SDK1: variants seen among roughly 807,000 people sequenced by gnomAD.
SDK1 encodes protein sidekick-1.
SDK1 carries 157 observed loss-of-function variants against 245.5 expected under a neutral mutation model. The ratio of observed to expected loss-of-function variants is 0.64; its 90% CI spans 0.56 to 0.73. SDK1 has a LOEUF of 0.73. Among genes scored for constraint, SDK1 ranks in the 30% least tolerant of loss-of-function variants. SDK1 has a pLI of 0.00. For missense variants in SDK1, 3,583 were observed against 3,002.3 expected (o/e 1.19, Z -4.52); for synonymous variants, 1,647 against 1,278.5 (o/e 1.29, Z -6.15).
At chr7:4,113,527 G>C in intron 24 of SDK1, 88 bp downstream of exon 24, 1 of 1,457,920 alleles carries the variant, frequency 6.9e-7, no homozygotes, top group Non-Finnish European at 9.3e-7. Context: ...GAGTTTCTTA[G>C]TCACGCCTTT....
chr7:3,383,591 C>G (rs1018181538), intron 1 of SDK1, among the ~76,000 whole-genome samples: 8 of 152,170 alleles, frequency 5.3e-5, no homozygotes, highest in African/African-American at 1.9e-4. Flanking sequence ...AGGACCTGAT[C>G]TTAAACTGGA....
intron 35 of SDK1, among the ~76,000 whole-genome samples, chr7:4,202,706 C>A (rs883024): frequency 0.27 from 40,682 of 152,150 alleles, 6,098 homozygotes; most frequent in African/African-American, 0.41. Flanking sequence ...AAACTTTTCC[C>A]TCACTCTCTG....
intron 1 of SDK1, among the ~76,000 whole-genome samples, chr7:3,536,094 T>A (rs1320788440): frequency 1.3e-5 from 2 of 151,906 alleles, no homozygotes; most frequent in African/African-American, 4.8e-5. Context: ...TCTCACTCTG[T>A]CGCCCAGGCT....
chr7:3,392,163 T>A (rs1781775229), intron 1 of SDK1, among the ~76,000 whole-genome samples: 1 of 152,038 alleles, frequency 6.6e-6, no homozygotes, highest in Non-Finnish European at 1.5e-5. Flanking sequence ...TTAAAACCTT[T>A]GCATAACAGA....
At position 3,641,999 on chromosome 7, in the gene SDK1, T is replaced by A; in HGVS notation, c.607T>A (p.Ser203Thr). ...FMDTDQRKTV[S>T]QGRAAILNLL... ...GGATACGGACCAGAGGAAAACAGTT[T>A]CTCAAGGACGTGCAGCGATTCTAAA... The change falls in exon 4 of 45, where the codon TCT (serine) becomes ACT (threonine). Residue 203 changes from serine to threonine, a missense_variant. Ser to Thr is a moderately conservative substitution (Grantham distance 58, BLOSUM62 1). Coordinates refer to ENST00000404826, the MANE Select transcript of SDK1 (RefSeq NM_152744.4). 6.2e-7 allele frequency: 1 copy of A among 1,614,116 alleles called. No individual in the cohort carries two copies. Among genetic ancestry groups the A allele is most frequent in the Non-Finnish European group, 8.5e-7 (1 of 1,179,966 alleles).
At chr7:3,534,230 C>T (rs978300206) in intron 1 of SDK1, among the ~76,000 whole-genome samples, 1 of 151,906 alleles carries the variant, frequency 6.6e-6, no homozygotes, top group Non-Finnish European at 1.5e-5. Flanking sequence ...GGATTTCGCT[C>T]TTTTTTTTAA....
intron 4 of SDK1, among the ~76,000 whole-genome samples, chr7:3,646,864 A>G (rs1267626424): frequency 1.3e-5 from 2 of 152,142 alleles, no homozygotes; most frequent in Non-Finnish European, 2.9e-5. Context: ...AAGGTTAAAT[A>G]CCTTATGATT....
At chr7:3,381,809 A>G (rs1781493503) in intron 1 of SDK1, among the ~76,000 whole-genome samples, 1 of 152,204 alleles carries the variant, frequency 6.6e-6, no homozygotes, top group African/African-American at 2.4e-5. Context: ...ATAAGAATCC[A>G]GTCATGGTTA....
At chr7:4,009,098 A>G (rs567604637) in intron 14 of SDK1, among the ~76,000 whole-genome samples, 1 of 152,340 alleles carries the variant, frequency 6.6e-6, no homozygotes, top group African/African-American at 2.4e-5. Context: ...TTTTCATAAT[A>G]GCCACCCTAG....
chr7:3,880,756 G>A (rs988225955), intron 5 of SDK1, among the ~76,000 whole-genome samples: 1 of 152,042 alleles, frequency 6.6e-6, no homozygotes, highest in Non-Finnish European at 1.5e-5. Context: ...AAACCAGACG[G>A]GCTGAGAGCA....
chr7:4,164,785 C>A (rs1781395739), intron 32 of SDK1, among the ~76,000 whole-genome samples: 2 of 152,198 alleles, frequency 1.3e-5, no homozygotes, highest in Non-Finnish European at 2.9e-5. Flanking sequence ...CCTAGTGCCA[C>A]CTGGAGGAGC....
chr7:4,111,935 A>G (rs1783377299), intron 23 of SDK1, among the ~76,000 whole-genome samples: 2 of 152,246 alleles, frequency 1.3e-5, no homozygotes. Context: ...AGTTAAGGAA[A>G]CGGAGATCAT....
chr7:3,564,869 A>G (rs1044250464), intron 1 of SDK1, among the ~76,000 whole-genome samples: 3 of 152,148 alleles, frequency 2.0e-5, no homozygotes, highest in Admixed American at 6.5e-5. Flanking sequence ...CCTCGATTAC[A>G]GTACCTGTGA....
chr7:4,037,708 A>G (rs565975684), intron 17 of SDK1, among the ~76,000 whole-genome samples: 22 of 152,322 alleles, frequency 1.4e-4, no homozygotes, highest in Middle Eastern at 6.8e-3. Flanking sequence ...GGACCATAGC[A>G]TCTTGGATTT....
intron 22 of SDK1, among the ~76,000 whole-genome samples, chr7:4,103,833 AG>A (rs1782735537): frequency 6.6e-6 from 1 of 152,218 alleles, no homozygotes; most frequent in Admixed American, 6.5e-5. Flanking sequence ...GCGCTCCAGC[AG>A]GGCTTGCCAC....
chr7:4,072,740 A>G (rs1412619023), intron 20 of SDK1, among the ~76,000 whole-genome samples: 2 of 152,228 alleles, frequency 1.3e-5, no homozygotes, highest in Admixed American at 6.5e-5. Context: ...GCAGGAGCCC[A>G]GGATGACTGA....
At chr7:3,971,001 T>C (rs1782449867) in intron 11 of SDK1, among the ~76,000 whole-genome samples, 1 of 152,168 alleles carries the variant, frequency 6.6e-6, no homozygotes, top group African/African-American at 2.4e-5. Context: ...GCGTCCATCT[T>C]CCTTCCTGAA....
At chr7:3,995,709 G>A (rs1371608790) in intron 14 of SDK1, among the ~76,000 whole-genome samples, 1 of 152,122 alleles carries the variant, frequency 6.6e-6, no homozygotes, top group Non-Finnish European at 1.5e-5. Context: ...TTTGTGTTTC[G>A]ACTGCTAGTA....
At chr7:4,098,019 A>G (rs1782272734) in intron 22 of SDK1, among the ~76,000 whole-genome samples, 1 of 152,168 alleles carries the variant, frequency 6.6e-6, no homozygotes, top group Admixed American at 6.5e-5. Flanking sequence ...TGACAATGAC[A>G]TACATACTCA....
Sources: gnomAD v4.1 joint callset for allele counts (sites outside exome capture counted in the v4.1 genomes callset) on GRCh38, gnomAD v4.1.1 for gene constraint, MANE v1.5 for transcripts, NCBI Gene and HGNC (gene_info 2026-07-23, HGNC 2026-07-21) for gene names.